Variants in FAM184B observed in about 807,000 individuals in gnomAD.
FAM184B encodes the protein protein FAM184B.
In FAM184B, 111 loss-of-function variants were observed where a neutral mutation model predicts 135.9. That is an observed-to-expected ratio of 0.82 (90% CI 0.70 to 0.96). FAM184B has a LOEUF of 0.96. FAM184B is among the 40% of genes least tolerant of loss of function. The pLI, the probability that FAM184B is intolerant of heterozygous loss-of-function variation, is 0.00. For missense variants in FAM184B, 1,375 were observed against 1,323.9 expected, an observed-to-expected ratio of 1.04 and a Z score of -0.60; for synonymous variants, 552 against 524.8, an observed-to-expected ratio of 1.05 and a Z score of -0.71.
rs376386841 is a variant in FAM184B, at chr4:17,640,316, C to CAA, written c.2520-922_2520-921dup. Reference sequence around the variant, plus strand: ...TGAAACCTCGTCTCTACTAAAAATACAAAAAAAAAAAAAAAAAATTAGCTG... The same window carrying CAA: ...TGAAACCTCGTCTCTACTAAAAATACAAAAAAAAAAAAAAAAAAAATTAGCTG... On this transcript the variant is annotated intron_variant, in intron 13 of 17. Transcript: ENST00000265018. Among the ~76,000 whole-genome samples, 122 of 133,896 alleles carry CAA rather than the reference C, an allele frequency of 9.1e-4. 4 individuals carry two copies. In the South Asian group the frequency reaches 0.025, roughly 28 times the overall value. The allele number at this position is 133,896 out of a possible 152,430, so 87.8% of individuals were successfully genotyped here.
At chr4:17,712,686 C>A (rs1019238123) in intron 1 of FAM184B, among the ~76,000 whole-genome samples, 2 of 152,040 alleles carry the variant, frequency 1.3e-5, no homozygotes, top group Admixed American at 6.5e-5. Flanking sequence ...AGTGGGGAGC[C>A]CCCTATCAAC....
intron 1 of FAM184B, among the ~76,000 whole-genome samples, chr4:17,746,188 A>T (rs1577287173): frequency 6.6e-6 from 1 of 151,694 alleles, no homozygotes; most frequent in Non-Finnish European, 1.5e-5. Context: ...CGAACTCCTG[A>T]CCCCAGGTGA....
chr4:17,751,414 C>A (rs1179819465), intron 1 of FAM184B, among the ~76,000 whole-genome samples: 2 of 151,488 alleles, frequency 1.3e-5, no homozygotes, highest in Non-Finnish European at 2.9e-5. Flanking sequence ...TGGGGAAAAA[C>A]CACTGACATG....
At chr4:17,710,971 G>T (rs754058071) in intron 1 of FAM184B, among the ~76,000 whole-genome samples, 1 of 152,166 alleles carries the variant, frequency 6.6e-6, no homozygotes, top group Non-Finnish European at 1.5e-5. Context: ...AGAGGAGGGG[G>T]GTGAAGTCAG....
intron 1 of FAM184B, among the ~76,000 whole-genome samples, chr4:17,741,839 T>C (rs1448855887): frequency 1.3e-5 from 2 of 152,136 alleles, no homozygotes; most frequent in Non-Finnish European, 2.9e-5. Flanking sequence ...GTATCTAAAA[T>C]AGTGTGTTTA....
intron 1 of FAM184B, among the ~76,000 whole-genome samples, chr4:17,748,103 G>GAAAAA (rs58795222): frequency 5.4e-4 from 38 of 70,124 alleles, no homozygotes; most frequent in East Asian, 1.2e-3. Flanking sequence ...GACTCCGTCT[G>GAAAAA]AAAAAAAAAA....
chr4:17,649,583 CAAA>C (rs10564359), intron 11 of FAM184B, among the ~76,000 whole-genome samples: 237 of 136,044 alleles, frequency 1.7e-3, no homozygotes, highest in East Asian at 3.2e-3. Context: ...GACTCCATCT[CAAA>C]AAAAAAAAAA....
At chr4:17,763,955 G>A (rs528386200) in intron 1 of FAM184B, among the ~76,000 whole-genome samples, 2 of 152,136 alleles carry the variant, frequency 1.3e-5, no homozygotes, top group Admixed American at 6.5e-5. Context: ...CTAGACAAAC[G>A]TTGTCTTCAA....
At chr4:17,641,032 C>T (rs1715294327) in intron 13 of FAM184B, among the ~76,000 whole-genome samples, 1 of 152,158 alleles carries the variant, frequency 6.6e-6, no homozygotes, top group African/African-American at 2.4e-5. Context: ...CTCCCAGGCT[C>T]AAGCAATCCC....
At chr4:17,750,064 T>C (rs1718259151) in intron 1 of FAM184B, among the ~76,000 whole-genome samples, 1 of 152,244 alleles carries the variant, frequency 6.6e-6, no homozygotes, top group Non-Finnish European at 1.5e-5. Flanking sequence ...AGATCTGCAT[T>C]AAAGCTTTTT....
intron 1 of FAM184B, among the ~76,000 whole-genome samples, chr4:17,764,976 G>A (rs866746149): frequency 6.6e-6 from 1 of 152,162 alleles, no homozygotes; most frequent in African/African-American, 2.4e-5. Flanking sequence ...TAAGGTGGGA[G>A]GATCACTTGA....
At chr4:17,636,292 GAC>G (rs1419655637) in intron 15 of FAM184B, among the ~76,000 whole-genome samples, 1 of 152,140 alleles carries the variant, frequency 6.6e-6, no homozygotes, top group African/African-American at 2.4e-5. Context: ...TTTTAGTAGA[GAC>G]AGGGTTTCAA....
chr4:17,778,672 G>A (rs1718977064), intron 1 of FAM184B, among the ~76,000 whole-genome samples: 1 of 152,128 alleles, frequency 6.6e-6, no homozygotes, highest in Admixed American at 6.6e-5. Context: ...GCAACATGGT[G>A]AGACTCTATT....
intron 8 of FAM184B, among the ~76,000 whole-genome samples, chr4:17,663,439 T>G (rs1483364653): frequency 2.0e-5 from 3 of 152,122 alleles, no homozygotes; most frequent in African/African-American, 7.2e-5. Context: ...TATTTGCAGA[T>G]GACATGATCC....
At chr4:17,728,547 G>A (rs1482934471) in intron 1 of FAM184B, among the ~76,000 whole-genome samples, 1 of 152,108 alleles carries the variant, frequency 6.6e-6, no homozygotes, top group South Asian at 2.1e-4. Context: ...CGTCTCTCGG[G>A]GCAGTCAGTG....
rs908477776 is a variant in FAM184B, at chr4:17,749,522, A to G, written c.141+31637T>C. ...GAATTATTAAAAACTATCAATGGAA[A>G]CAGATCTAAAAATTGGATTATTAAA... On this transcript the variant is annotated intron_variant, in intron 1 of 17. Transcript: ENST00000265018. Among the ~76,000 whole-genome samples, 8 of 152,230 alleles carry G rather than the reference A, an allele frequency of 5.3e-5. No individual in the cohort carries two copies. The South Asian group carries it at 1.7e-3, about 31-fold the overall frequency.
intron 7 of FAM184B, among the ~76,000 whole-genome samples, chr4:17,687,136 G>C (rs116463855): frequency 6.6e-6 from 1 of 152,164 alleles, no homozygotes; most frequent in Non-Finnish European, 1.5e-5. Context: ...ACCGGGGCCT[G>C]AGCCCTGGAA....
intron 1 of FAM184B, among the ~76,000 whole-genome samples, chr4:17,739,122 C>T (rs907553567): frequency 2.6e-5 from 4 of 152,338 alleles, no homozygotes; most frequent in Admixed American, 1.3e-4. Context: ...ATGAAGATAG[C>T]AGCTTGACTT....
At chr4:17,690,415 C>T (rs1716705905) in intron 6 of FAM184B, among the ~76,000 whole-genome samples, 1 of 152,058 alleles carries the variant, frequency 6.6e-6, no homozygotes, top group African/African-American at 2.4e-5. Flanking sequence ...AGGTTCGGCC[C>T]AAATTGTGAA....
Sources: gnomAD v4.1 joint callset for allele counts (sites outside exome capture counted in the v4.1 genomes callset) on GRCh38, gnomAD v4.1.1 for gene constraint, MANE v1.5 for transcripts, NCBI Gene and HGNC (gene_info 2026-07-23, HGNC 2026-07-21) for gene names.